Variants in PCYOX1 observed in about 807,000 individuals in gnomAD.
The protein encoded by PCYOX1 is prenylcysteine lyase.
A neutral mutation model predicts 46.4 loss-of-function variants in PCYOX1; 46 were observed. That is an observed-to-expected ratio of 0.99 (90% CI 0.78 to 1.27). PCYOX1 has a LOEUF of 1.27. Ranked by LOEUF, PCYOX1 falls within the 50% of genes most tolerant of loss-of-function variation. The pLI is 0.00. For missense variants in PCYOX1, 658 were observed against 628.3 expected (o/e 1.05, Z -0.51); for synonymous variants, 220 against 231.8 (o/e 0.95, Z 0.46).
At chr2:70,271,875 A>C (rs1339471768) in intron 3 of PCYOX1, among the ~76,000 whole-genome samples, 2 of 152,210 alleles carry the variant, frequency 1.3e-5, no homozygotes. Flanking sequence ...ACAGAACCTT[A>C]CTTCATTCCA....
At position 70,278,310 on chromosome 2, in the gene PCYOX1, T is replaced by C. The variant is rs571265145; in HGVS notation, c.*918T>C. 2.0e-5 allele frequency: 3 copies of C among 152,732 alleles called. No homozygotes were observed. In the East Asian group the frequency reaches 5.8e-4, roughly 29 times the overall value. The allele number at this position is 152,732 out of a possible 1,614,324, so 9.5% of individuals were successfully genotyped here. A position where few individuals can be genotyped will look rare whatever the true frequency, so the allele number is the denominator to read the frequency against. On this transcript the variant is annotated 3_prime_UTR_variant, in exon 6 of 6. Coordinates refer to ENST00000433351, the MANE Select transcript of PCYOX1 (RefSeq NM_016297.4). ...ACCTTAGCATTGTAGCTATTTAAAG[T>C]TTCTAATGTGCACCCAGGGTTGGGA...
intron 3 of PCYOX1, among the ~76,000 whole-genome samples, chr2:70,272,277 C>T (rs1696612840): frequency 6.6e-6 from 1 of 152,096 alleles, no homozygotes; most frequent in East Asian, 1.9e-4. Context: ...CAGGCATGCG[C>T]CACCATGCCC....
At chr2:70,268,589 G>A (rs555936676) in intron 3 of PCYOX1, among the ~76,000 whole-genome samples, 82 of 152,104 alleles carry the variant, frequency 5.4e-4, no homozygotes, top group African/African-American at 2.0e-3. Context: ...CCTGAGGTTG[G>A]GAGTTCGAGA....
intron 3 of PCYOX1, among the ~76,000 whole-genome samples, chr2:70,263,103 G>A (rs145640099): frequency 6.6e-6 from 1 of 151,900 alleles, no homozygotes; most frequent in Non-Finnish European, 1.5e-5. Flanking sequence ...GCGTGGTGGT[G>A]CATGCCTGTA....
chr2:70,280,883 C>G lies in PCYOX1; in HGVS notation c.*3491C>G, dbSNP rs767443831. Reference sequence around the variant, plus strand: ...TTCTGTACAGTTTAAAAGTGATTCACGATTTGCAGGCTTTTTATCAGATCA... The same window carrying G: ...TTCTGTACAGTTTAAAAGTGATTCAGGATTTGCAGGCTTTTTATCAGATCA... On this transcript the variant is annotated 3_prime_UTR_variant, in exon 6 of 6. Transcript: ENST00000433351. 6.6e-6 allele frequency: 1 copy of G among 152,236 alleles called. No homozygotes were observed. The highest frequency in any genetic ancestry group is 2.1e-4 in the South Asian group (1 of 4,828). 9.4% of individuals were successfully genotyped at this position (152,236 alleles called of 1,614,324 possible). A position where few individuals can be genotyped will look rare whatever the true frequency, so the allele number is the denominator to read the frequency against.
chr2:70,259,419 G>T lies in PCYOX1; in HGVS notation c.172G>T (p.Gly58Trp). 1 of 1,614,170 alleles carries T rather than the reference G, an allele frequency of 6.2e-7. No individual in the cohort carries two copies. The highest frequency in any genetic ancestry group is 8.5e-7 in the Non-Finnish European group (1 of 1,180,028). ...SAAYYLRQKF[G>W]KDVKIDLFER... ...AGCCTATTACCTGCGGCAGAAATTT[G>T]GGAAAGATGTGAAGATAGACCTGTT... The change falls in exon 2 of 6, where the codon GGG (glycine) becomes TGG (tryptophan). Residue 58 changes from glycine (G) to tryptophan (W), a missense_variant. By Grantham distance (184) the Gly-to-Trp change is radical. Transcript: ENST00000433351.
intron 3 of PCYOX1, among the ~76,000 whole-genome samples, chr2:70,270,083 C>G (rs1696582172): frequency 6.6e-6 from 1 of 152,018 alleles, no homozygotes; most frequent in Non-Finnish European, 1.5e-5. Flanking sequence ...CAACCTCCAT[C>G]TCCTGGGTTC....
At chr2:70,268,149 T>C (rs1696554231) in intron 3 of PCYOX1, among the ~76,000 whole-genome samples, 1 of 152,108 alleles carries the variant, frequency 6.6e-6, no homozygotes, top group African/African-American at 2.4e-5. Flanking sequence ...TTGTGGTAAT[T>C]TGTTATAGCA....
chr2:70,264,136 T>C (rs773486613), intron 3 of PCYOX1, among the ~76,000 whole-genome samples: 2 of 151,682 alleles, frequency 1.3e-5, no homozygotes, highest in African/African-American at 2.4e-5. Flanking sequence ...TAATTTTTTG[T>C]ATTTTTTTTG....
intron 3 of PCYOX1, among the ~76,000 whole-genome samples, chr2:70,263,230 T>TAAA (rs200696905): frequency 1.4e-5 from 2 of 142,650 alleles, no homozygotes; most frequent in Non-Finnish European, 3.0e-5. Context: ...CCAGACTGTC[T>TAAA]AAAAAAAAAA....
intron 5 of PCYOX1, among the ~76,000 whole-genome samples, chr2:70,276,326 C>A (rs924564575): frequency 6.6e-6 from 1 of 151,602 alleles, no homozygotes; most frequent in African/African-American, 2.4e-5. Flanking sequence ...CCTGCCTCAG[C>A]GTCCCGAGTA....
intron 5 of PCYOX1, 47 bp from the exon 6 acceptor site, chr2:70,276,687 G>A (rs1265149106): frequency 9.8e-7 from 1 of 1,022,368 alleles, no homozygotes; most frequent in Non-Finnish European, 1.5e-6. Context: ...TTTTTAGAAG[G>A]TATGTTAGAA....
At chr2:70,262,612 T>C (rs972669304) in intron 3 of PCYOX1, among the ~76,000 whole-genome samples, 4 of 151,520 alleles carry the variant, frequency 2.6e-5, no homozygotes, top group Admixed American at 1.3e-4. Flanking sequence ...CCCGAATAGC[T>C]GGGATTACAG....
chr2:70,258,144 G>C lies in PCYOX1; in HGVS notation c.-21G>C, dbSNP rs752719754. 2 of 1,570,982 alleles carry C rather than the reference G, an allele frequency of 1.3e-6. No individual in the cohort carries two copies. Among genetic ancestry groups the C allele is most frequent in the East Asian group, 2.3e-5 (1 of 42,656 alleles). Reference sequence around the variant, plus strand: ...GAGGACTGCGGGGCTCTTGAGGCCAGCTGCAGAGCTTGTGGAGGCCATGGG... The same window carrying C: ...GAGGACTGCGGGGCTCTTGAGGCCACCTGCAGAGCTTGTGGAGGCCATGGG... On this transcript the variant is annotated 5_prime_UTR_variant, in exon 1 of 6. Coordinates refer to ENST00000433351, the MANE Select transcript of PCYOX1 (RefSeq NM_016297.4).
chr2:70,276,810 G>C lies in PCYOX1; in HGVS notation c.936G>C (p.Leu312Phe). The C allele has an allele frequency of 1.2e-6, 2 of 1,612,618 alleles. No homozygotes were observed. Among genetic ancestry groups the C allele is most frequent in the Non-Finnish European group, 1.7e-6 (2 of 1,178,762 alleles). Residue 312 changes from leucine (L) to phenylalanine (F), a missense_variant, in exon 6 of 6, where the codon TTG (leucine) becomes TTC (phenylalanine). Coordinates refer to ENST00000433351, the MANE Select transcript of PCYOX1 (RefSeq NM_016297.4). ...ETRSDFYDIV[L>F]VATPLNRKMS... is the part of the protein sequence containing the mutation. ...GTTCAGACTTCTATGACATCGTCTTGGTGGCCACTCCGTTGAATCGAAAAA... is the reference window on the plus strand; with the variant it reads ...GTTCAGACTTCTATGACATCGTCTTCGTGGCCACTCCGTTGAATCGAAAAA...
intron 3 of PCYOX1, among the ~76,000 whole-genome samples, chr2:70,272,192 T>C (rs1382435520): frequency 2.0e-5 from 3 of 150,830 alleles, no homozygotes. Context: ...AGTGGCACGA[T>C]CTCGGCTCAC....
At chr2:70,274,909 C>G (rs771269052) in intron 3 of PCYOX1, 50 bp from the exon 4 acceptor site, 6 of 1,140,376 alleles carry the variant, frequency 5.3e-6, no homozygotes, top group Admixed American at 5.1e-5. Flanking sequence ...TATACATCCC[C>G]TTCCCCACAT....
intron 3 of PCYOX1, among the ~76,000 whole-genome samples, chr2:70,264,896 C>T (rs1022658957): frequency 6.6e-6 from 1 of 151,826 alleles, no homozygotes; most frequent in African/African-American, 2.4e-5. Context: ...CTAATGCCAG[C>T]TACTTGGGAG....
At chr2:70,258,358 A>T (rs1419788388) in intron 1 of PCYOX1, 82 bp downstream of exon 1, 4 of 846,280 alleles carry the variant, frequency 4.7e-6, no homozygotes, top group Non-Finnish European at 6.9e-6. Context: ...CCCAGATCCC[A>T]CAGCCGCGAC....
Sources: gnomAD v4.1 joint callset for allele counts (sites outside exome capture counted in the v4.1 genomes callset) on GRCh38, gnomAD v4.1.1 for gene constraint, MANE v1.5 for transcripts, NCBI Gene and HGNC (gene_info 2026-07-23, HGNC 2026-07-21) for gene names.